Variants in INTS4 observed in about 807,000 individuals in gnomAD.
INTS4 encodes integrator complex subunit 4, also known as MSTP093.
Under a neutral mutation model 119.5 loss-of-function variants are expected in INTS4, and 70 were observed. That is an observed-to-expected ratio of 0.59 (90% CI 0.48 to 0.71). The LOEUF is 0.71. INTS4 is among the 30% of genes least tolerant of loss of function. INTS4 has a pLI of 0.00. For missense variants in INTS4, 867 were observed against 1,173.2 expected (o/e 0.74, Z 3.81); for synonymous variants, 316 against 419.6 (o/e 0.75, Z 3.02).
chr11:77,958,975 G>C, intron 6 of INTS4, 141 bp from the exon 7 acceptor site: 1 of 638,816 alleles, frequency 1.6e-6, no homozygotes, highest in South Asian at 1.8e-5. Flanking sequence ...TGGAATCTTT[G>C]CTTAAAAATG....
chr11:77,877,043 A>G (rs1303731699), downstream of INTS4: 2 of 702,918 alleles, frequency 2.8e-6, no homozygotes, highest in Non-Finnish European at 5.2e-6. Flanking sequence ...TGAGAGATGC[A>G]AAACAGGTAA....
Position 77,883,492 on chromosome 11 carries a change from C to T in INTS4, c.2713+340G>A, listed in dbSNP as rs188927382. ...GGAAAAAGACTCAGAAAGGGAGAGA[C>T]TTGTCTAAGGTGACCAAGCAAGTCG... On this transcript the variant is annotated intron_variant, in intron 22 of 22. Coordinates refer to ENST00000534064, the MANE Select transcript of INTS4 (RefSeq NM_033547.4). Among the ~76,000 whole-genome samples, 7 of 152,282 alleles carry T rather than the reference C, an allele frequency of 4.6e-5. No individual in the cohort carries two copies. The East Asian group carries it at 1.4e-3, about 29-fold the overall frequency.
intron 2 of INTS4, among the ~76,000 whole-genome samples, chr11:77,984,635 C>T (rs1224931442): frequency 1.3e-5 from 2 of 151,964 alleles, no homozygotes; most frequent in Non-Finnish European, 2.9e-5. Context: ...GTGATGGCTG[C>T]ATAACAATAT....
At chr11:77,965,674 G>A (rs569623748) in intron 4 of INTS4, among the ~76,000 whole-genome samples, 9 of 152,288 alleles carry the variant, frequency 5.9e-5, no homozygotes, top group Middle Eastern at 3.4e-3. Flanking sequence ...CATTTACAAG[G>A]CTGAATAGTA....
rs1434488329 is a variant in INTS4 at position 77,886,195 on chromosome 11, C to T, written c.2593-2243G>A. On this transcript the variant is annotated intron_variant, in intron 21 of 22. Coordinates refer to ENST00000534064, the MANE Select transcript of INTS4 (RefSeq NM_033547.4). Reference sequence around the variant, plus strand: ...CTCCAGCCCAGGCAACAGACAGAGACCTTGTCTCAAAAAAAAGAAAAAAAA... The same window carrying T: ...CTCCAGCCCAGGCAACAGACAGAGATCTTGTCTCAAAAAAAAGAAAAAAAA... 2.6e-5 allele frequency among the ~76,000 whole-genome samples: 4 copies of T among 151,928 alleles called. No homozygotes were observed. In the South Asian group the frequency reaches 6.2e-4, roughly 24 times the overall value.
intron 22 of INTS4, 55 bp downstream of exon 22, chr11:77,883,777 T>C: frequency 1.3e-6 from 2 of 1,587,544 alleles, no homozygotes; most frequent in East Asian, 2.3e-5. Context: ...CGCTTAAGGG[T>C]AGGTGTGATC....
At chr11:77,913,086 A>G (rs2136463975) in intron 15 of INTS4, among the ~76,000 whole-genome samples, 1 of 152,334 alleles carries the variant, frequency 6.6e-6, no homozygotes, top group Admixed American at 6.5e-5. Flanking sequence ...GTATAGCAAC[A>G]GCACTTTCAT....
At chr11:77,964,573 C>A (rs1194589223) in intron 4 of INTS4, among the ~76,000 whole-genome samples, 8 of 149,974 alleles carry the variant, frequency 5.3e-5, no homozygotes, top group Non-Finnish European at 1.2e-4. Context: ...GACTCTTTCT[C>A]AAAAATAAAA....
chr11:77,942,157 G>A (rs1591085447), intron 8 of INTS4, among the ~76,000 whole-genome samples: 1 of 152,076 alleles, frequency 6.6e-6, no homozygotes, highest in East Asian at 1.9e-4. Context: ...GACAACAGCT[G>A]TACACTCAAC....
At chr11:77,887,484 T>C (rs3018414) in intron 21 of INTS4, among the ~76,000 whole-genome samples, 30,906 of 151,916 alleles carry the variant, frequency 0.2, 3,198 homozygotes, top group Middle Eastern at 0.24. Flanking sequence ...GGGCAAAAAC[T>C]GGAAGCATTC....
intron 9 of INTS4, among the ~76,000 whole-genome samples, chr11:77,939,342 G>A (rs1953873574): frequency 6.6e-6 from 1 of 152,164 alleles, no homozygotes; most frequent in East Asian, 1.9e-4. Flanking sequence ...TGGGCGTGGT[G>A]GCACATGCCT....
chr11:77,961,481 A>C (rs1160738049), intron 4 of INTS4, among the ~76,000 whole-genome samples: 1 of 152,212 alleles, frequency 6.6e-6, no homozygotes, highest in Non-Finnish European at 1.5e-5. Context: ...CCAGACAAAA[A>C]TGTATAAATT....
intron 22 of INTS4, among the ~76,000 whole-genome samples, chr11:77,882,201 G>A (rs895607246): frequency 1.3e-5 from 2 of 152,138 alleles, no homozygotes; most frequent in African/African-American, 4.8e-5. Flanking sequence ...AAGCCACCAG[G>A]CCTGGCTGTG....
rs554525959 is a variant in INTS4, at chr11:77,927,718, C to T, written c.1371+624G>A. 7.9e-5 allele frequency among the ~76,000 whole-genome samples: 12 copies of T among 152,168 alleles called. No individual in the cohort carries two copies. In the South Asian group the frequency reaches 1.7e-3, roughly 21 times the overall value. On this transcript the variant is annotated intron_variant, in intron 11 of 22. Transcript: ENST00000534064. ...TAAGATCACTTGCTGCTATAACAGC[C>T]TATGATTCACTACAAGAATAAAATC...
rs368402326 is a variant in INTS4, at chr11:77,891,772, C to T, written c.2357G>A (p.Arg786Gln). The T allele has an allele frequency of 4.0e-5, 64 of 1,611,918 alleles. No homozygotes were observed. In the Admixed American group the frequency reaches 4.7e-4, roughly 12 times the overall value. ...TTCTGCAGGTTTGGATGTCATGAGT[C>T]GGGGCATAAGGTCAAGGAGTTTGTC... The part of the protein sequence containing the change: ...FVDKLLDLMP[R>Q]LMTSKPAEVV... The change falls in exon 20 of 23, where the codon CGA becomes CAA. Residue 786 changes from arginine (R) to glutamine (Q), a missense_variant. By Grantham distance (43) the Arg-to-Gln change is conservative. Around this residue, in one of 5 missense-constraint regions of INTS4, gnomAD observed 262 missense variants for 376.0 expected, o/e 0.70. Coordinates refer to ENST00000534064, the MANE Select transcript of INTS4 (RefSeq NM_033547.4).
At chr11:77,906,268 C>T (rs2136453352) in intron 16 of INTS4, among the ~76,000 whole-genome samples, 1 of 152,274 alleles carries the variant, frequency 6.6e-6, no homozygotes, top group East Asian at 1.9e-4. Context: ...TAAAGAATTA[C>T]TGACTACAGA....
At chr11:77,909,057 T>G (rs1261256905) in intron 15 of INTS4, among the ~76,000 whole-genome samples, 1 of 152,236 alleles carries the variant, frequency 6.6e-6, no homozygotes, top group Non-Finnish European at 1.5e-5. Context: ...AAGTACTTTA[T>G]TCCATGCTTA....
At position 77,994,497 on chromosome 11, in the gene INTS4, G is replaced by C; in HGVS notation, c.54+93C>G. On this transcript the variant is annotated intron_variant, in intron 1 of 22. Coordinates refer to ENST00000534064, the MANE Select transcript of INTS4 (RefSeq NM_033547.4). Reference sequence around the variant, plus strand: ...CAACAAGTCAGCACTTAACACGGGCGTATGGAGCCTCTTCTGTTCCGGCAA... The same window carrying C: ...CAACAAGTCAGCACTTAACACGGGCCTATGGAGCCTCTTCTGTTCCGGCAA... The C allele has an allele frequency of 4.1e-6, 4 of 971,580 alleles. No homozygotes were observed. In the South Asian group the frequency reaches 5.2e-5, roughly 13 times the overall value. 60.2% of individuals were successfully genotyped at this position (971,580 alleles called of 1,614,324 possible). A position where few individuals can be genotyped will look rare whatever the true frequency, so the allele number is the denominator to read the frequency against.
At position 77,948,654 on chromosome 11, in the gene INTS4, CA is replaced by C. The variant is rs138277574; in HGVS notation, c.918+7287del. ...GGAGTGAGACCCTGTCTCAAAGAAA[CA>C]AAAAAAAAAAAACAAAAAAAAAAAA... On this transcript the variant is annotated intron_variant, in intron 8 of 22. Transcript: ENST00000534064. 8.6e-3 allele frequency among the ~76,000 whole-genome samples: 788 copies of C among 91,310 alleles called. 13 individuals are homozygous for C. The highest frequency in any genetic ancestry group is 0.025 in the East Asian group (88 of 3,486). 59.9% of individuals were successfully genotyped at this position (91,310 alleles called of 152,430 possible). A position where few individuals can be genotyped will look rare whatever the true frequency, so the allele number is the denominator to read the frequency against.
Sources: allele counts gnomAD v4.1 joint callset (sites outside exome capture counted in the v4.1 genomes callset), GRCh38; gene constraint gnomAD v4.1.1; regional missense constraint gnomAD v4.1.1; transcripts MANE v1.5; gene names NCBI Gene and HGNC (gene_info 2026-07-23, HGNC 2026-07-21).